NEO1: variants seen among roughly 807,000 people sequenced by gnomAD.
The protein encoded by NEO1 is neogenin 1, also known as neogenin.
Under a neutral mutation model 159.7 loss-of-function variants are expected in NEO1, and 63 were observed. The ratio of observed to expected loss-of-function variants is 0.39; its 90% CI spans 0.32 to 0.49. The LOEUF (loss-of-function observed/expected upper bound fraction) is 0.49. Among genes scored for constraint, NEO1 ranks in the 20% least tolerant of loss-of-function variants. The probability of loss-of-function intolerance (pLI) is 0.85; values close to 1 mark genes in which losing one functional copy is unlikely to be tolerated. For synonymous variants in NEO1, 633 were observed against 662.0 expected, an observed-to-expected ratio of 0.96 and a Z score of 0.67; for missense variants, 1,615 against 1,831.0, an observed-to-expected ratio of 0.88 and a Z score of 2.15.
At chr15:73,288,975 T>G in intron 24 of NEO1, 171 bp from the exon 25 acceptor site, 1 of 609,074 alleles carries the variant, frequency 1.6e-6, no homozygotes, top group East Asian at 2.8e-5. Context: ...GCAGGAACTC[T>G]TGTAATGCTC....
intron 1 of NEO1, among the ~76,000 whole-genome samples, chr15:73,109,093 T>C (rs562961058): frequency 6.6e-6 from 1 of 152,288 alleles, no homozygotes; most frequent in South Asian, 2.1e-4. Context: ...TCACTTAATA[T>C]TATTTTACAC....
At chr15:73,153,339 A>G (rs1397575943) in intron 5 of NEO1, among the ~76,000 whole-genome samples, 1 of 152,212 alleles carries the variant, frequency 6.6e-6, no homozygotes, top group Non-Finnish European at 1.5e-5. Context: ...CATAAAATTT[A>G]CTGTCACACA....
chr15:73,233,428 A>G (rs894334869), intron 7 of NEO1, among the ~76,000 whole-genome samples: 1 of 152,184 alleles, frequency 6.6e-6, no homozygotes, highest in African/African-American at 2.4e-5. Flanking sequence ...TTTTGTAATG[A>G]GATTCTAGAA....
intron 7 of NEO1, among the ~76,000 whole-genome samples, chr15:73,205,066 T>C (rs2037134500): frequency 6.6e-6 from 1 of 152,224 alleles, no homozygotes; most frequent in African/African-American, 2.4e-5. Context: ...TTTCAGCTAA[T>C]AGTTGTTTCC....
chr15:73,094,446 A>G (rs113883770), intron 1 of NEO1, among the ~76,000 whole-genome samples: 1 of 152,192 alleles, frequency 6.6e-6, no homozygotes, highest in Non-Finnish European at 1.5e-5. Flanking sequence ...GATATAATAC[A>G]TGTTATATAA....
intron 2 of NEO1, among the ~76,000 whole-genome samples, chr15:73,118,258 C>G (rs988361180): frequency 5.3e-5 from 8 of 152,074 alleles, no homozygotes; most frequent in Non-Finnish European, 1.2e-4. Flanking sequence ...CCTTATTCTT[C>G]CCCTCCTCCA....
At chr15:73,250,193 T>C (rs2040003769) in intron 11 of NEO1, among the ~76,000 whole-genome samples, 1 of 152,054 alleles carries the variant, frequency 6.6e-6, no homozygotes, top group Non-Finnish European at 1.5e-5. Context: ...TATACACCCA[T>C]ATATATGTAT....
intron 1 of NEO1, among the ~76,000 whole-genome samples, chr15:73,101,436 C>T (rs1326520644): frequency 2.6e-5 from 4 of 152,200 alleles, no homozygotes; most frequent in Non-Finnish European, 4.4e-5. Flanking sequence ...CTCTCTTTCC[C>T]ACTCTCTCTC....
chr15:73,265,125 A>C (rs1019754767), intron 15 of NEO1, among the ~76,000 whole-genome samples: 6 of 152,156 alleles, frequency 3.9e-5, no homozygotes, highest in African/African-American at 1.4e-4. Flanking sequence ...CAGTGAACTG[A>C]TAAGTGGCCG....
rs1555460455 is a variant in NEO1, at chr15:73,253,391, T to TTC, written c.1895-8_1895-7insCT. ...AAAAAAAATTTTTTTTTTTTTTTTG[T>TTC]TTCTCTAGTTCCCAGTGCTGCTCCT... is the stretch of plus-strand genomic sequence containing the variant. On this transcript the variant is annotated splice_polypyrimidine_tract_variant and intron_variant, in intron 11 of 28. Transcript: ENST00000261908. The TTC allele has an allele frequency of 2.6e-6, 4 of 1,509,992 alleles. No individual in the cohort carries two copies. The highest frequency in any genetic ancestry group is 2.8e-5 in the African/African-American group (2 of 70,568). The allele number at this position is 1,509,992 out of a possible 1,614,324, so 93.5% of individuals were successfully genotyped here.
At chr15:73,205,209 A>T (rs1035032651) in intron 7 of NEO1, among the ~76,000 whole-genome samples, 4 of 152,180 alleles carry the variant, frequency 2.6e-5, no homozygotes, top group Admixed American at 6.5e-5. Context: ...TTTCTCCAGT[A>T]GTACAGCTTT....
chr15:73,092,004 A>T (rs8033192), intron 1 of NEO1, among the ~76,000 whole-genome samples: 22,401 of 152,106 alleles, frequency 0.15, 2,566 homozygotes, highest in African/African-American at 0.31. Flanking sequence ...TGATTACCGA[A>T]TAAAAGTACA....
intron 12 of NEO1, 85 bp downstream of exon 12, chr15:73,253,534 A>C: frequency 1.1e-6 from 1 of 889,012 alleles, no homozygotes; most frequent in Admixed American, 2.4e-5. Context: ...ATTCTGTAGG[A>C]AAGCATCAAA....
intron 27 of NEO1, among the ~76,000 whole-genome samples, chr15:73,299,479 G>A (rs550418765): frequency 6.6e-6 from 1 of 151,762 alleles, no homozygotes; most frequent in East Asian, 1.9e-4. Flanking sequence ...TCCGACTCCC[G>A]GGTTCACGCC....
Position 73,098,554 on chromosome 15 carries a change from T to TCACTC in NEO1, c.131-17983_131-17979dup, listed in dbSNP as rs2070217509. On this transcript the variant is annotated intron_variant, in intron 1 of 28. Coordinates refer to ENST00000261908, the MANE Select transcript of NEO1 (RefSeq NM_002499.4). ...GTTTTCACTTAATTTGTTATAGAAA[T>TCACTC]CACTCCATGGTAGAAAATAAACTTA... Among the ~76,000 whole-genome samples, 2 of 152,204 alleles carry TCACTC rather than the reference T, an allele frequency of 1.3e-5. 1 individual carries two copies. Among genetic ancestry groups the TCACTC allele is most frequent in the South Asian group, 4.1e-4 (2 of 4,832 alleles).
chr15:73,208,883 A>G (rs140416324), intron 7 of NEO1, among the ~76,000 whole-genome samples: 2,178 of 152,194 alleles, frequency 0.014, 55 homozygotes, highest in African/African-American at 0.049. Flanking sequence ...AAAATAAAAT[A>G]AAAATAAAAA....
chr15:73,179,754 A>G (rs1157754110), intron 7 of NEO1, among the ~76,000 whole-genome samples: 2 of 152,178 alleles, frequency 1.3e-5, no homozygotes, highest in African/African-American at 2.4e-5. Context: ...CCACCTGGGT[A>G]CACTGTGTAT....
intron 1 of NEO1, among the ~76,000 whole-genome samples, chr15:73,087,734 T>C (rs1021885438): frequency 6.6e-6 from 1 of 152,170 alleles, no homozygotes; most frequent in Non-Finnish European, 1.5e-5. Flanking sequence ...TGATTATTAA[T>C]ATTTTGGAAT....
intron 21 of NEO1, among the ~76,000 whole-genome samples, chr15:73,277,927 G>A (rs1006181424): frequency 6.6e-6 from 1 of 152,194 alleles, no homozygotes; most frequent in Non-Finnish European, 1.5e-5. Context: ...CAGTCTTTCA[G>A]ATGCCTCATT....
Sources: gnomAD v4.1 joint callset for allele counts (sites outside exome capture counted in the v4.1 genomes callset) on GRCh38, gnomAD v4.1.1 for gene constraint, MANE v1.5 for transcripts, NCBI Gene and HGNC (gene_info 2026-07-23, HGNC 2026-07-21) for gene names.